The following ARHGAP42 variants were observed in gnomAD, a reference collection of about 807,000 sequenced individuals.
ARHGAP42 encodes Rho GTPase activating protein 42, also known as rho GTPase-activating protein 42.
Under a neutral mutation model 125.0 loss-of-function variants are expected in ARHGAP42, and 63 were observed. That is an observed-to-expected ratio of 0.50 (90% confidence interval 0.41 to 0.62). The LOEUF is 0.62. ARHGAP42 is among the 20% of genes least tolerant of loss of function. The pLI, the probability that ARHGAP42 is intolerant of heterozygous loss-of-function variation, is 0.00. For missense variants in ARHGAP42, 766 were observed against 1,024.2 expected, an observed-to-expected ratio of 0.75 and a Z score of 3.44; for synonymous variants, 339 against 351.0, an observed-to-expected ratio of 0.97 and a Z score of 0.38.
At chr11:100,924,889 A>G (rs1867378289) in intron 6 of ARHGAP42, among the ~76,000 whole-genome samples, 2 of 151,984 alleles carry the variant, frequency 1.3e-5, no homozygotes, top group Admixed American at 6.6e-5. Context: ...GTGCAGTGGC[A>G]TAATCTCAGC....
chr11:100,763,895 A>G (rs1421870236), intron 1 of ARHGAP42, among the ~76,000 whole-genome samples: 1 of 152,206 alleles, frequency 6.6e-6, no homozygotes, highest in Non-Finnish European at 1.5e-5. Context: ...AGTCCAACAC[A>G]TGAAGTCTTG....
intron 6 of ARHGAP42, among the ~76,000 whole-genome samples, chr11:100,927,828 T>C (rs1452389025): frequency 6.6e-6 from 1 of 152,188 alleles, no homozygotes. Context: ...TTTGTTTTAT[T>C]AATCAGTGCA....
At position 100,789,583 on chromosome 11, in the gene ARHGAP42, A is replaced by C. The variant is rs1863517760; in HGVS notation, c.251-5522A>C. On this transcript the variant is annotated intron_variant, in intron 2 of 23. Coordinates refer to ENST00000298815, the MANE Select transcript of ARHGAP42 (RefSeq NM_152432.4). ...CAGGGTAATTATACCTTTTACAGAC[A>C]GTAGTGGCTCCAAACCAAGCATGTG... 1.3e-5 allele frequency among the ~76,000 whole-genome samples: 2 copies of C among 152,212 alleles called. 1 individual carries two copies. The highest frequency in any genetic ancestry group is 4.1e-4 in the South Asian group (2 of 4,834).
At chr11:100,911,909 C>T (rs549484516) in intron 4 of ARHGAP42, among the ~76,000 whole-genome samples, 2 of 152,220 alleles carry the variant, frequency 1.3e-5, no homozygotes, top group South Asian at 2.1e-4. Context: ...TTATTCCCTT[C>T]CCCCCATTTA....
chr11:100,845,692 G>T (rs1415707125), intron 3 of ARHGAP42, among the ~76,000 whole-genome samples: 1 of 152,114 alleles, frequency 6.6e-6, no homozygotes, highest in African/African-American at 2.4e-5. Context: ...TTTGAAAACA[G>T]ATTTTATCCA....
At chr11:100,879,518 A>G (rs1198230655) in intron 4 of ARHGAP42, among the ~76,000 whole-genome samples, 2 of 152,200 alleles carry the variant, frequency 1.3e-5, no homozygotes, top group African/African-American at 4.8e-5. Context: ...CTGTTGGCTA[A>G]AGATAGTACT....
intron 20 of ARHGAP42, 61 bp from the exon 21 acceptor site, chr11:100,976,754 G>A (rs1022582962): frequency 2.3e-5 from 35 of 1,529,538 alleles, no homozygotes; most frequent in Admixed American, 1.6e-4. Flanking sequence ...GCACATGTAC[G>A]TGTTATTGCT....
At chr11:100,693,182 G>T (rs1305912098) in intron 1 of ARHGAP42, among the ~76,000 whole-genome samples, 1 of 149,858 alleles carries the variant, frequency 6.7e-6, no homozygotes, top group Non-Finnish European at 1.5e-5. Flanking sequence ...TTTTGAAGTG[G>T]AACTCATCGC....
intron 2 of ARHGAP42, among the ~76,000 whole-genome samples, chr11:100,773,624 T>C (rs1863034759): frequency 6.6e-6 from 1 of 152,234 alleles, no homozygotes; most frequent in Admixed American, 6.5e-5. Context: ...GTAGGGTTTT[T>C]AATCACTATG....
intron 3 of ARHGAP42, among the ~76,000 whole-genome samples, chr11:100,817,996 A>G (rs544995004): frequency 6.6e-6 from 1 of 152,290 alleles, no homozygotes; most frequent in African/African-American, 2.4e-5. Context: ...GCTTTTGTGA[A>G]ACAGTAGTTT....
intron 2 of ARHGAP42, among the ~76,000 whole-genome samples, chr11:100,789,398 G>A (rs1290431746): frequency 1.3e-5 from 2 of 152,206 alleles, no homozygotes; most frequent in Admixed American, 1.3e-4. Flanking sequence ...GGACCGAGGG[G>A]AGTGGGTGGA....
At chr11:100,865,336 A>G (rs1865544465) in intron 4 of ARHGAP42, among the ~76,000 whole-genome samples, 1 of 152,230 alleles carries the variant, frequency 6.6e-6, no homozygotes, top group African/African-American at 2.4e-5. Flanking sequence ...AAGTGACTGC[A>G]GTCTAACTTG....
intron 3 of ARHGAP42, among the ~76,000 whole-genome samples, chr11:100,836,405 C>G (rs1864786764): frequency 1.3e-5 from 2 of 152,126 alleles, no homozygotes; most frequent in South Asian, 4.2e-4. Flanking sequence ...ACAATCAGCC[C>G]TTTTGCTAGA....
chr11:100,842,033 C>T (rs1864956994), intron 3 of ARHGAP42, among the ~76,000 whole-genome samples: 1 of 152,164 alleles, frequency 6.6e-6, no homozygotes, highest in Non-Finnish European at 1.5e-5. Flanking sequence ...GAGTTACAGG[C>T]ATTAATGAAT....
chr11:100,917,371 A>G (rs1283044431), intron 5 of ARHGAP42, among the ~76,000 whole-genome samples: 3 of 152,202 alleles, frequency 2.0e-5, no homozygotes, highest in Admixed American at 6.5e-5. Flanking sequence ...TGTTTATAAC[A>G]TCTGGATGAA....
At chr11:100,773,104 T>C (rs1863021348) in intron 2 of ARHGAP42, among the ~76,000 whole-genome samples, 1 of 152,258 alleles carries the variant, frequency 6.6e-6, no homozygotes, top group East Asian at 1.9e-4. Context: ...CCCAAAGTGC[T>C]GGGATTACAG....
At chr11:100,722,887 T>C (rs2120274697) in intron 1 of ARHGAP42, among the ~76,000 whole-genome samples, 1 of 152,268 alleles carries the variant, frequency 6.6e-6, no homozygotes, top group East Asian at 1.9e-4. Context: ...GTTTTCTAGA[T>C]TTTATAATAA....
chr11:100,916,168 G>C (rs1192585043), intron 5 of ARHGAP42, among the ~76,000 whole-genome samples: 3 of 152,174 alleles, frequency 2.0e-5, no homozygotes, highest in Non-Finnish European at 4.4e-5. Flanking sequence ...TAAACAGTTG[G>C]AGAATCAGAA....
At chr11:100,842,777 A>T (rs781530422) in intron 3 of ARHGAP42, among the ~76,000 whole-genome samples, 1 of 152,188 alleles carries the variant, frequency 6.6e-6, no homozygotes, top group Non-Finnish European at 1.5e-5. Context: ...CTGAACAACA[A>T]TAGTGACACA....
Sources: gnomAD v4.1 joint callset for allele counts (sites outside exome capture counted in the v4.1 genomes callset) on GRCh38, gnomAD v4.1.1 for gene constraint, MANE v1.5 for transcripts, NCBI Gene and HGNC (gene_info 2026-07-23, HGNC 2026-07-21) for gene names.